Variants in LARP1 observed in about 807,000 individuals in gnomAD.
LARP1 encodes la-related protein 1.
LARP1 carries 36 observed loss-of-function variants against 122.7 expected under a neutral mutation model. That is an observed-to-expected ratio of 0.29 (90% CI 0.22 to 0.39). The LOEUF (loss-of-function observed/expected upper bound fraction) is 0.39, where lower values mean the gene tolerates loss of function less well. LARP1 is among the 10% of genes least tolerant of loss of function. The probability of loss-of-function intolerance (pLI) is 1.00; values close to 1 mark genes in which losing one functional copy is unlikely to be tolerated. For synonymous variants in LARP1, 539 were observed against 528.7 expected (o/e 1.02, Z -0.27); for missense variants, 1,040 against 1,403.6 (o/e 0.74, Z 4.14).
intron 1 of LARP1, among the ~76,000 whole-genome samples, chr5:154,683,396 C>T (rs1753782650): frequency 6.6e-6 from 1 of 152,228 alleles, no homozygotes; most frequent in South Asian, 2.1e-4. Context: ...AATACTTAAA[C>T]ATCACTCATT....
At chr5:154,687,132 A>G (rs1327332418) in intron 1 of LARP1, among the ~76,000 whole-genome samples, 3 of 152,242 alleles carry the variant, frequency 2.0e-5, no homozygotes, top group Non-Finnish European at 4.4e-5. Flanking sequence ...GCGGACACAT[A>G]GGTGATATCT....
At chr5:154,744,937 G>A (rs1280559258) in intron 1 of LARP1, among the ~76,000 whole-genome samples, 2 of 96,952 alleles carry the variant, frequency 2.1e-5, no homozygotes, top group Non-Finnish European at 3.9e-5. Flanking sequence ...GCGCCCGGCC[G>A]CTTTTTTTGA....
intron 14 of LARP1, 124 bp downstream of exon 14, chr5:154,804,431 A>G: frequency 1.4e-6 from 1 of 737,390 alleles, no homozygotes; most frequent in East Asian, 2.5e-5. Flanking sequence ...AGAGGTTTTC[A>G]AAAAACCAGT....
chr5:154,791,168 T>C (rs1178782801), intron 3 of LARP1, among the ~76,000 whole-genome samples: 1 of 139,908 alleles, frequency 7.1e-6, no homozygotes, highest in Non-Finnish European at 1.5e-5. Flanking sequence ...GGAGTCTCGC[T>C]CAGTCACCCA....
At chr5:154,786,543 C>G in intron 1 of LARP1, 1 of 454,840 alleles carries the variant, frequency 2.2e-6, no homozygotes, top group Non-Finnish European at 4.4e-6. Flanking sequence ...GTCTGCCATC[C>G]ACCCTGCTAC....
chr5:154,685,809 A>T (rs1561524508), intron 1 of LARP1: 2 of 403,192 alleles, frequency 5.0e-6, no homozygotes, highest in East Asian at 7.0e-5. Context: ...CAACTCTACA[A>T]TTTTTTTTTT....
exon 1 of LARP1, chr5:154,712,949 A>C: frequency 1.2e-6 from 2 of 1,614,028 alleles, no homozygotes; most frequent in South Asian, 1.1e-5. Context: ...TGCTTTTGTC[A>C]AAGAGGCCTC....
Position 154,817,141 on chromosome 5 carries a change from G to A in LARP1, c.*3045G>A, listed in dbSNP as rs1759728692. The A allele has an allele frequency of 6.6e-6, 1 of 151,998 alleles. No homozygotes were observed. The highest frequency in any genetic ancestry group is 2.4e-5 in the African/African-American group (1 of 41,352). The allele number at this position is 151,998 out of a possible 1,614,324, so 9.4% of individuals were successfully genotyped here. A position where few individuals can be genotyped will look rare whatever the true frequency, so the allele number is the denominator to read the frequency against. On this transcript the variant is annotated 3_prime_UTR_variant, in exon 19 of 19. Coordinates refer to ENST00000518297, the MANE Select transcript of LARP1 (RefSeq NM_033551.3). ...AGATGACTAGTTACGGAGGGTGAGG[G>A]TTGTTTTTTGCCAAAAAGCCTGGGT...
chr5:154,759,870 C>T (rs1488116671), intron 1 of LARP1, among the ~76,000 whole-genome samples: 1 of 152,118 alleles, frequency 6.6e-6, no homozygotes, highest in Admixed American at 6.5e-5. Flanking sequence ...TATGGCCATC[C>T]GTAGGCTAAT....
At chr5:154,764,919 A>G (rs1754801329) in intron 1 of LARP1, among the ~76,000 whole-genome samples, 1 of 149,640 alleles carries the variant, frequency 6.7e-6, no homozygotes, top group Non-Finnish European at 1.5e-5. Flanking sequence ...AAAAAAAAAA[A>G]GAAACAACAA....
In LARP1 at chr5:154,794,087, GT is replaced by G; in HGVS notation, c.1070-10del. On this transcript the variant is annotated splice_polypyrimidine_tract_variant and intron_variant, in intron 6 of 18. Coordinates refer to ENST00000518297, the MANE Select transcript of LARP1 (RefSeq NM_033551.3). ...GAATCTCCTCTCCCTCATGGCACCC[GT>G]TTCCCCCATAGCCCATTTTGACTAC... 1 of 1,613,942 alleles carries G rather than the reference GT, an allele frequency of 6.2e-7. No homozygotes were observed. The highest frequency in any genetic ancestry group is 8.5e-7 in the Non-Finnish European group (1 of 1,179,884).
At chr5:154,761,969 C>A (rs532309832) in intron 1 of LARP1, among the ~76,000 whole-genome samples, 1 of 152,074 alleles carries the variant, frequency 6.6e-6, no homozygotes, top group Non-Finnish European at 1.5e-5. Context: ...CTGCTGGGCG[C>A]GGGGGTTCAC....
At chr5:154,722,910 ACCTCAGGTGATCCACCCACCTCGG>A (rs1755968570) in intron 1 of LARP1, among the ~76,000 whole-genome samples, 1 of 152,014 alleles carries the variant, frequency 6.6e-6, no homozygotes, top group Non-Finnish European at 1.5e-5. Flanking sequence ...CAAACTCCTG[ACCTCAGGTGATCCACCCACCTCGG>A]CCTCCCAGAG....
intron 1 of LARP1, among the ~76,000 whole-genome samples, chr5:154,716,942 C>T (rs1011542214): frequency 6.6e-6 from 1 of 151,976 alleles, no homozygotes; most frequent in African/African-American, 2.4e-5. Flanking sequence ...CATCTGTTGT[C>T]CCAGCTACTC....
intron 1 of LARP1, among the ~76,000 whole-genome samples, chr5:154,700,965 C>CA (rs796380216): frequency 4.4e-4 from 60 of 137,786 alleles, no homozygotes; most frequent in Middle Eastern, 3.6e-3. Context: ...GACTCCATCT[C>CA]AAAAAAAAAA....
intron 1 of LARP1, among the ~76,000 whole-genome samples, chr5:154,705,891 C>T (rs181408944): frequency 6.6e-6 from 1 of 152,288 alleles, no homozygotes; most frequent in East Asian, 1.9e-4. Flanking sequence ...CAAAATAAAT[C>T]ATTTTATCAA....
intron 1 of LARP1, chr5:154,786,383 G>T: frequency 2.3e-6 from 1 of 441,974 alleles, no homozygotes; most frequent in South Asian, 1.6e-5. Context: ...TATTTAAGAA[G>T]CCCCCGGACC....
chr5:154,691,258 T>A, intron 1 of LARP1, among the ~76,000 whole-genome samples: 1 of 77,470 alleles, frequency 1.3e-5, no homozygotes, highest in Non-Finnish European at 2.5e-5. Context: ...GGAGACTCCG[T>A]CTCAAAAAAA....
intron 14 of LARP1, chr5:154,805,112 A>G: frequency 5.9e-6 from 2 of 341,618 alleles, no homozygotes; most frequent in Non-Finnish European, 1.1e-5. Context: ...TAAGAAAATC[A>G]CAAAGAAGGG....
Sources: gnomAD v4.1 joint callset for allele counts (sites outside exome capture counted in the v4.1 genomes callset) on GRCh38, gnomAD v4.1.1 for gene constraint, MANE v1.5 for transcripts, NCBI Gene and HGNC (gene_info 2026-07-23, HGNC 2026-07-21) for gene names.